SAFB2: variants seen among roughly 807,000 people sequenced by gnomAD.
The protein encoded by SAFB2 is scaffold attachment factor B2.
In SAFB2, 32 loss-of-function variants were observed where a neutral mutation model predicts 100.6. The observed-to-expected ratio is 0.32, with a 90% CI of 0.24 to 0.43. The LOEUF (loss-of-function observed/expected upper bound fraction) is 0.43. Among genes scored for constraint, SAFB2 ranks in the 20% least tolerant of loss-of-function variants. SAFB2 has a pLI of 1.00. For missense variants in SAFB2, 1,185 were observed against 1,163.4 expected, an observed-to-expected ratio of 1.02 and a Z score of -0.27; for synonymous variants, 500 against 439.4, an observed-to-expected ratio of 1.14 and a Z score of -1.72.
intron 9 of SAFB2, among the ~76,000 whole-genome samples, chr19:5,609,500 C>T (rs865944109): frequency 2.0e-5 from 3 of 152,014 alleles, no homozygotes; most frequent in Admixed American, 6.6e-5. Context: ...GACAGGGTTT[C>T]GCCATGTTGG....
At chr19:5,612,607 A>G in intron 5 of SAFB2, 40 bp from the exon 6 acceptor site, 1 of 1,533,948 alleles carries the variant, frequency 6.5e-7, no homozygotes, top group South Asian at 1.1e-5. Flanking sequence ...AGTCACTTTA[A>G]ACACGGGGCA....
At chr19:5,594,331 C>T (rs2052491223) in intron 14 of SAFB2, 153 bp from the exon 15 acceptor site, 1 of 463,540 alleles carries the variant, frequency 2.2e-6, no homozygotes, top group Non-Finnish European at 2.8e-6. Flanking sequence ...CAGGGGGTTA[C>T]CTTACTTAAC....
rs1431731574 is a variant in SAFB2, at chr19:5,592,610, G to GTCA, written c.2348+134_2348+136dup. On this transcript the variant is annotated intron_variant, in intron 16 of 20. Coordinates refer to ENST00000252542, the MANE Select transcript of SAFB2 (RefSeq NM_014649.3). Reference sequence around the variant, plus strand: ...CGCTCAAGTTCTGTGCAAGGCCAGAGTCATCCACTGTGGATCTCAGAAGTA... The same window carrying GTCA: ...CGCTCAAGTTCTGTGCAAGGCCAGAGTCATCATCCACTGTGGATCTCAGAAGTA... 4.2e-6 allele frequency: 4 copies of GTCA among 951,356 alleles called. No individual in the cohort carries two copies. In the African/African-American group the frequency reaches 6.6e-5, roughly 16 times the overall value. The allele number at this position is 951,356 out of a possible 1,614,324, so 58.9% of individuals were successfully genotyped here.
intron 14 of SAFB2, among the ~76,000 whole-genome samples, chr19:5,594,855 ACTT>A (rs775580868): frequency 6.6e-5 from 10 of 152,024 alleles, no homozygotes; most frequent in Non-Finnish European, 1.3e-4. Context: ...GGCTTTGATG[ACTT>A]CTTTTTAAGA....
intron 4 of SAFB2, 133 bp from the exon 5 acceptor site, chr19:5,613,660 C>A: frequency 6.8e-7 from 1 of 1,476,376 alleles, no homozygotes; most frequent in Admixed American, 2.3e-5. Flanking sequence ...ACTGTTGGGT[C>A]ATTCAGTTCA....
chr19:5,609,957 G>C, intron 9 of SAFB2, 38 bp downstream of exon 9: 1 of 1,561,158 alleles, frequency 6.4e-7, no homozygotes, highest in Non-Finnish European at 8.8e-7. Context: ...TTTTAACTCT[G>C]AATCACAGTG....
Position 5,593,912 on chromosome 19 carries a change from C to T in SAFB2, c.2186G>A (p.Arg729Gln), listed in dbSNP as rs1196956940. 5 of 1,519,646 alleles carry T rather than the reference C, an allele frequency of 3.3e-6. No individual in the cohort carries two copies. The highest frequency in any genetic ancestry group is 2.4e-5 in the East Asian group (1 of 41,872). The allele number at this position is 1,519,646 out of a possible 1,614,324, so 94.1% of individuals were successfully genotyped here. A position where few individuals can be genotyped will look rare whatever the true frequency, so the allele number is the denominator to read the frequency against. Residue 729 changes from arginine to glutamine, a missense_variant, in exon 15 of 21, where the codon CGG becomes CAG. Arg to Gln is a conservative substitution (Grantham distance 43). This residue lies in a region of SAFB2 where 740 missense variants were observed against 687.1 expected (regional missense o/e 1.08). Coordinates refer to ENST00000252542, the MANE Select transcript of SAFB2 (RefSeq NM_014649.3). The part of the protein sequence containing the change: ...LRYEQERRPG[R>Q]RPYDLDRRDD... ...TCACCGGTCCAGGTCGTAGGGCCTC[C>T]GCCCGGGCCGCCGCTCCTGCTCGTA...
Position 5,604,894 on chromosome 19 carries a change from C to T in SAFB2, c.1339G>A (p.Ala447Thr). Residue 447 changes from alanine to threonine, a missense_variant, in exon 10 of 21, where the codon GCT (alanine) becomes ACT (threonine). By Grantham distance (58) the Ala-to-Thr change is moderately conservative. Transcript: ENST00000252542. Reference sequence around the variant, plus strand: ...ATGGTGACGAATCCATAGCATCGAGCCCCCGGGCTGCGGGCGTTCGTTACC... The same window carrying T: ...ATGGTGACGAATCCATAGCATCGAGTCCCCGGGCTGCGGGCGTTCGTTACC... Reference protein sequence around the residue: ...KVVTNARSPGARCYGFVTMST... With the variant: ...KVVTNARSPGTRCYGFVTMST... 1 of 1,613,798 alleles carries T rather than the reference C, an allele frequency of 6.2e-7. No individual in the cohort carries two copies.
intron 13 of SAFB2, chr19:5,598,536 T>C (rs1477053250): frequency 1.2e-5 from 6 of 505,842 alleles, no homozygotes. Flanking sequence ...TGAGCTGCCG[T>C]GTGAACCAAT....
intron 11 of SAFB2, among the ~76,000 whole-genome samples, chr19:5,604,232 G>A (rs1028290092): frequency 2.0e-5 from 3 of 152,268 alleles, no homozygotes; most frequent in Non-Finnish European, 4.4e-5. Context: ...GTAACATGGC[G>A]AAACCGCGTC....
intron 2 of SAFB2, among the ~76,000 whole-genome samples, chr19:5,620,814 T>C (rs779091837): frequency 4.6e-5 from 7 of 152,204 alleles, no homozygotes; most frequent in Non-Finnish European, 1.0e-4. Flanking sequence ...CTGATGAATT[T>C]AACGGTCTGT....
intron 11 of SAFB2, among the ~76,000 whole-genome samples, chr19:5,603,674 C>T (rs549967720): frequency 3.9e-5 from 6 of 152,206 alleles, no homozygotes; most frequent in Non-Finnish European, 5.9e-5. Context: ...AGGGTGCCAC[C>T]GTGAACTCAC....
intron 13 of SAFB2, among the ~76,000 whole-genome samples, chr19:5,597,144 G>A (rs1599239287): frequency 6.6e-6 from 1 of 152,324 alleles, no homozygotes; most frequent in Admixed American, 6.5e-5. Flanking sequence ...AGGCAACAGT[G>A]TCAGCACGGG....
intron 11 of SAFB2, among the ~76,000 whole-genome samples, chr19:5,603,718 T>C (rs539150075): frequency 6.6e-6 from 1 of 151,894 alleles, no homozygotes; most frequent in African/African-American, 2.4e-5. Context: ...AGGGTGGCAC[T>C]GTGAACTCAC....
Position 5,587,283 on chromosome 19 carries a change from G to A in SAFB2, c.2822C>T (p.Pro941Leu), listed in dbSNP as rs1171292226. The A allele has an allele frequency of 5.0e-6, 8 of 1,613,030 alleles. No individual in the cohort carries two copies. In the South Asian group the frequency reaches 5.5e-5, roughly 11 times the overall value. The change falls in exon 21 of 21, where the codon CCT becomes CTT. Residue 941 changes from proline to leucine, a missense_variant. Physicochemically the swap from Pro to Leu is moderately conservative, Grantham distance 98 (BLOSUM62 -3). This residue lies in a region of SAFB2 where 740 missense variants were observed against 687.1 expected (regional missense o/e 1.08). Coordinates refer to ENST00000252542, the MANE Select transcript of SAFB2 (RefSeq NM_014649.3). This position sits in a 1 kb window ranked among gnomAD's most constrained non-coding sequence, Gnocchi z 4.9. ...GAAGTGGGGGTACGGGGGGGGATGA[G>A]GGTGTGGGTGAGGGACTCTGCTGCC... ...DRGSRVPHPH[P>L]HPPPYPHFTR...
At chr19:5,599,923 G>C (rs2145331052) in intron 12 of SAFB2, among the ~76,000 whole-genome samples, 2 of 152,298 alleles carry the variant, frequency 1.3e-5, no homozygotes, top group East Asian at 1.9e-4. Flanking sequence ...CATAAGCCCT[G>C]AGTCCCAGGC....
intron 4 of SAFB2, among the ~76,000 whole-genome samples, chr19:5,614,249 G>A (rs1200511493): frequency 1.3e-5 from 2 of 152,092 alleles, no homozygotes; most frequent in African/African-American, 4.8e-5. Flanking sequence ...CACCGCGCCT[G>A]GCCCGCCTAG....
At position 5,613,512 on chromosome 19, in the gene SAFB2, A is replaced by T; in HGVS notation, c.559T>A (p.Phe187Ile). 4 of 1,614,034 alleles carry T rather than the reference A, an allele frequency of 2.5e-6. No homozygotes were observed. Among genetic ancestry groups the T allele is most frequent in the Non-Finnish European group, 3.4e-6 (4 of 1,179,938 alleles). Residue 187 changes from phenylalanine (F) to isoleucine (I), a missense_variant, in exon 5 of 21, where the codon TTT becomes ATT. Around this residue, in one of 3 missense-constraint regions of SAFB2, gnomAD observed 351 missense variants for 341.2 expected, o/e 1.03. Transcript: ENST00000252542. ...PPEHAVDGEG[F>I]KNTLETSSLN... ...GATGAAGTTTCCAAAGTGTTCTTAAATCCTTCCCCATCCACCTGAAAAACA... is the reference window on the plus strand; with the variant it reads ...GATGAAGTTTCCAAAGTGTTCTTAATTCCTTCCCCATCCACCTGAAAAACA...
At chr19:5,591,495 G>A (rs2052402886) in intron 17 of SAFB2, 3 of 399,188 alleles carry the variant, frequency 7.5e-6, no homozygotes, top group South Asian at 3.8e-5. Context: ...GGCCAGGCTG[G>A]TCTTGAACTC....
Sources: gnomAD v4.1 joint callset for allele counts (sites outside exome capture counted in the v4.1 genomes callset) on GRCh38, gnomAD v4.1.1 for gene constraint, gnomAD v4.1.1 regional missense constraint, Gnocchi (gnomAD v3.1) non-coding constraint, MANE v1.5 for transcripts, NCBI Gene and HGNC (gene_info 2026-07-23, HGNC 2026-07-21) for gene names.